Variants in PPP1R12B observed in about 807,000 individuals in gnomAD.
The protein encoded by PPP1R12B is myosin phosphatase target subunit 2.
Under a neutral mutation model 126.1 loss-of-function variants are expected in PPP1R12B, and 76 were observed. The observed-to-expected ratio is 0.60, with a 90% CI of 0.50 to 0.73. The LOEUF (loss-of-function observed/expected upper bound fraction) is 0.73. Among genes scored for constraint, PPP1R12B ranks in the 30% least tolerant of loss-of-function variants. The pLI, the probability that PPP1R12B is intolerant of heterozygous loss-of-function variation, is 0.00. For missense variants in PPP1R12B, 1,052 were observed against 1,205.1 expected (o/e 0.87, Z 1.88); for synonymous variants, 356 against 434.7 (o/e 0.82, Z 2.25).
At chr1:202,429,324 C>T (rs1188805852) in intron 6 of PPP1R12B, among the ~76,000 whole-genome samples, 1 of 152,098 alleles carries the variant, frequency 6.6e-6, no homozygotes, top group Non-Finnish European at 1.5e-5. Context: ...TTTATTTAAG[C>T]ACATTTATTA....
intron 1 of PPP1R12B, among the ~76,000 whole-genome samples, chr1:202,410,690 C>G (rs931516143): frequency 1.2e-4 from 18 of 152,162 alleles, no homozygotes; most frequent in Non-Finnish European, 1.3e-4. Context: ...TTGGTAAAAT[C>G]AAGTATTTTT....
intron 1 of PPP1R12B, among the ~76,000 whole-genome samples, chr1:202,390,662 C>CTTTTTTTTTTTTTTTTT (rs35412743): frequency 7.4e-6 from 1 of 135,220 alleles, no homozygotes; most frequent in Non-Finnish European, 1.6e-5. Context: ...TCACATCCAG[C>CTTTTTTTTTTTTTTTTT]TTTTTTTTTT....
intron 13 of PPP1R12B, among the ~76,000 whole-genome samples, chr1:202,480,575 T>A (rs1677216566): frequency 6.6e-6 from 1 of 152,180 alleles, no homozygotes; most frequent in South Asian, 2.1e-4. Flanking sequence ...AATTAAAAAT[T>A]TAAACTTTCA....
chr1:202,569,577 G>A (rs1349259885), intron 23 of PPP1R12B, among the ~76,000 whole-genome samples: 1 of 152,190 alleles, frequency 6.6e-6, no homozygotes, highest in African/African-American at 2.4e-5. Flanking sequence ...GGTGCCTGGG[G>A]AAGCCTGAGC....
chr1:202,424,070 G>A (rs866808017), intron 3 of PPP1R12B, among the ~76,000 whole-genome samples: 34 of 152,096 alleles, frequency 2.2e-4, no homozygotes, highest in South Asian at 1.0e-3. Context: ...GCTTTAAAAT[G>A]TACAAACAAC....
intron 9 of PPP1R12B, among the ~76,000 whole-genome samples, chr1:202,436,849 G>GTT (rs996943395): frequency 6.8e-6 from 1 of 147,074 alleles, no homozygotes; most frequent in Non-Finnish European, 1.5e-5. Flanking sequence ...TTGACCTCTA[G>GTT]TTTTTTTTTT....
rs955112307 is a variant in PPP1R12B, at chr1:202,367,936, TAGTG to T, written c.291+18799_291+18802del. ...TCATGGTTTGGTGCTGTTCTCAAGA[TAGTG>T]AGTGCAGTCTCAGGAGATCTGTTTT... On this transcript the variant is annotated intron_variant, in intron 1 of 23. Transcript: ENST00000608999. Among the ~76,000 whole-genome samples, 151 of 152,076 alleles carry T rather than the reference TAGTG, an allele frequency of 9.9e-4. 1 individual carries two copies. The highest frequency in any genetic ancestry group is 3.5e-3 in the African/African-American group (146 of 41,506).
chr1:202,539,879 C>T lies in PPP1R12B; in HGVS notation c.2491-18998C>T, dbSNP rs1378415242. ...GTGTTGCTCAGCACAATACCCTCTA[C>T]GGTAAGCTACCAGTCCTGAGAACCT... On this transcript the variant is annotated intron_variant, in intron 18 of 23. Coordinates refer to ENST00000608999, the MANE Select transcript of PPP1R12B (RefSeq NM_002481.4). 8.7e-5 allele frequency: 31 copies of T among 355,740 alleles called. No individual in the cohort carries two copies. In the South Asian group the frequency reaches 8.8e-4, roughly 10 times the overall value. The allele number at this position is 355,740 out of a possible 1,614,324, so 22.0% of individuals were successfully genotyped here.
chr1:202,416,604 G>A (rs1668101270), intron 1 of PPP1R12B, among the ~76,000 whole-genome samples, 183 bp from the exon 2 acceptor site: 1 of 150,862 alleles, frequency 6.6e-6, no homozygotes, highest in Admixed American at 6.6e-5. Context: ...AAGGCATGGA[G>A]ACATTTAAGC....
chr1:202,501,783 T>G, intron 18 of PPP1R12B: 1 of 901,736 alleles, frequency 1.1e-6, no homozygotes, highest in Non-Finnish European at 1.3e-6. Flanking sequence ...TTTGTTTGAC[T>G]GTAGTGAAGC....
intron 1 of PPP1R12B, among the ~76,000 whole-genome samples, chr1:202,416,525 T>TTA (rs1668082691): frequency 1.8e-5 from 2 of 111,662 alleles, no homozygotes; most frequent in African/African-American, 7.1e-5. Context: ...AAACTCTGTC[T>TTA]AAAAAAAAAA....
At position 202,588,837 on chromosome 1, in the gene PPP1R12B, A is replaced by AGATAGATAGATAGATAGAT. The variant is rs1553332084; in HGVS notation, c.*8278_*8296dup. ...CAAAAGAACCGTAAGATAGATAGAT[A>AGATAGATAGATAGATAGAT]GATAGATAGATAGATAGATAGATAG... On this transcript the variant is annotated 3_prime_UTR_variant, in exon 24 of 24. Transcript: ENST00000608999. 7.3e-6 allele frequency: 1 copy of AGATAGATAGATAGATAGAT among 136,358 alleles called. No individual in the cohort carries two copies. The highest frequency in any genetic ancestry group is 3.2e-5 in the African/African-American group (1 of 30,960). 8.4% of individuals were successfully genotyped at this position (136,358 alleles called of 1,614,324 possible).
chr1:202,348,972 G>T lies in PPP1R12B; in HGVS notation c.121G>T (p.Ala41Ser). 6.2e-7 allele frequency: 1 copy of T among 1,602,064 alleles called. No individual in the cohort carries two copies. Among genetic ancestry groups the T allele is most frequent in the Non-Finnish European group, 8.5e-7 (1 of 1,175,552 alleles). Residue 41 changes from alanine to serine, a missense_variant, in exon 1 of 24, where the codon GCG becomes TCG. Ala to Ser is a moderately conservative substitution (Grantham distance 99). Transcript: ENST00000608999. Reference sequence around the variant, plus strand: ...GCAGGAGCCTGCGGAGCGACGAGGCGCGGGGCGGCAGCCGCTGACCAGGCG... The same window carrying T: ...GCAGGAGCCTGCGGAGCGACGAGGCTCGGGGCGGCAGCCGCTGACCAGGCG... ...TEQEPAERRGAGRQPLTRRGS... is the reference protein window; with the variant it reads ...TEQEPAERRGSGRQPLTRRGS...
At chr1:202,416,131 A>G (rs1342001034) in intron 1 of PPP1R12B, among the ~76,000 whole-genome samples, 1 of 152,216 alleles carries the variant, frequency 6.6e-6, no homozygotes, top group Non-Finnish European at 1.5e-5. Flanking sequence ...GTGTTTTGTA[A>G]CATACTTTCC....
intron 23 of PPP1R12B, among the ~76,000 whole-genome samples, chr1:202,574,132 G>T: frequency 6.9e-6 from 1 of 145,882 alleles, no homozygotes. Context: ...ATTTTGGTAT[G>T]TGTAACTTTA....
At chr1:202,488,504 C>G in intron 13 of PPP1R12B, 29 bp from the exon 14 acceptor site, 2 of 1,495,074 alleles carry the variant, frequency 1.3e-6, no homozygotes, top group Non-Finnish European at 1.9e-6. Context: ...AAAGATCTTG[C>G]TTTTGCTATT....
Position 202,354,254 on chromosome 1 carries a change from T to C in PPP1R12B, c.291+5112T>C, listed in dbSNP as rs189015539. Among the ~76,000 whole-genome samples, 307 of 152,252 alleles carry C rather than the reference T, an allele frequency of 2.0e-3. 1 individual carries two copies. Among genetic ancestry groups the C allele is most frequent in the African/African-American group, 7.0e-3 (291 of 41,560 alleles). On this transcript the variant is annotated intron_variant, in intron 1 of 23. Transcript: ENST00000608999. ...TTACCCTCAAGATTTTTTGTGCTCC[T>C]TGGTAGACAGCTCCTCCCACCCTCA...
chr1:202,353,797 A>G (rs559308107), intron 1 of PPP1R12B, among the ~76,000 whole-genome samples: 2 of 151,972 alleles, frequency 1.3e-5, no homozygotes, highest in South Asian at 4.2e-4. Flanking sequence ...TTTTTTGTAG[A>G]CAAGGGGGTC....
At chr1:202,520,523 C>T (rs1460203902) in intron 18 of PPP1R12B, among the ~76,000 whole-genome samples, 1 of 152,202 alleles carries the variant, frequency 6.6e-6, no homozygotes, top group African/African-American at 2.4e-5. Flanking sequence ...AGTTTCTTAA[C>T]CTTTTTAAAG....
Sources: gnomAD v4.1 joint callset for allele counts (sites outside exome capture counted in the v4.1 genomes callset) on GRCh38, gnomAD v4.1.1 for gene constraint, MANE v1.5 for transcripts, NCBI Gene and HGNC (gene_info 2026-07-23, HGNC 2026-07-21) for gene names.